TSNAXIP1: variants seen among roughly 807,000 people sequenced by gnomAD.
The protein encoded by TSNAXIP1 is translin-associated factor X-interacting protein 1.
In TSNAXIP1, 89 loss-of-function variants were observed where a neutral mutation model predicts 84.8. The ratio of observed to expected loss-of-function variants is 1.05; its 90% CI spans 0.88 to 1.25. The LOEUF is 1.25. Among genes scored for constraint, TSNAXIP1 ranks in the 50% most tolerant of loss-of-function variants. The probability of loss-of-function intolerance (pLI) is 0.00; values close to 1 mark genes in which losing one functional copy is unlikely to be tolerated. For synonymous variants in TSNAXIP1, 347 were observed against 335.2 expected, an observed-to-expected ratio of 1.04 and a Z score of -0.39; for missense variants, 874 against 887.6, an observed-to-expected ratio of 0.98 and a Z score of 0.20.
chr16:67,818,988 C>G (rs2056816956), intron 2 of TSNAXIP1, among the ~76,000 whole-genome samples: 5 of 151,858 alleles, frequency 3.3e-5, no homozygotes. Context: ...CAGGCGTGAG[C>G]TGGGCGCGAT....
At chr16:67,815,346 C>CT (rs112133830) in intron 2 of TSNAXIP1, among the ~76,000 whole-genome samples, 1,848 of 140,888 alleles carry the variant, frequency 0.013, 50 homozygotes, top group African/African-American at 0.044. Context: ...AGAATGCCAT[C>CT]TTTTTTTTTG....
chr16:67,817,263 CCA>C (rs1250531982), intron 2 of TSNAXIP1, among the ~76,000 whole-genome samples: 1 of 151,644 alleles, frequency 6.6e-6, no homozygotes. Flanking sequence ...CATTCTCCTG[CCA>C]CAGTCTCCTG....
At position 67,821,241 on chromosome 16, in the gene TSNAXIP1, GA is replaced by G; in HGVS notation, c.387+19del. 2.6e-6 allele frequency: 2 copies of G among 781,606 alleles called. No homozygotes were observed. The highest frequency in any genetic ancestry group is 4.1e-6 in the Non-Finnish European group (2 of 490,100). The allele number at this position is 781,606 out of a possible 1,614,324, so 48.4% of individuals were successfully genotyped here. A position where few individuals can be genotyped will look rare whatever the true frequency, so the allele number is the denominator to read the frequency against. On this transcript the variant is annotated intron_variant, in intron 4 of 15. Transcript: ENST00000561639. ...AAGGCTGCAGGTCAGAGCCACAGAAGAAACTTGGGGAGGGCGGGGGAAGGGT... is the reference window on the plus strand; with the variant it reads ...AAGGCTGCAGGTCAGAGCCACAGAAGAACTTGGGGAGGGCGGGGGAAGGGT...
Position 67,826,570 on chromosome 16 carries a change from C to T in TSNAXIP1, c.1401+8C>T. The T allele has an allele frequency of 6.2e-7, 1 of 1,614,148 alleles. No homozygotes were observed. ...CGTCTTGCTGAGGAGCAGGTCAGAT[C>T]TCACCAGCCACTCTGGCCCAGCATG... is the stretch of plus-strand genomic sequence containing the variant. On this transcript the variant is annotated splice_region_variant and intron_variant, in intron 11 of 15. Transcript: ENST00000561639.
chr16:67,817,046 A>G (rs2056622982), intron 2 of TSNAXIP1, among the ~76,000 whole-genome samples: 1 of 150,164 alleles, frequency 6.7e-6, no homozygotes, highest in Admixed American at 6.6e-5. Flanking sequence ...GCTCACTGCA[A>G]CCTCCACCTC....
At position 67,825,653 on chromosome 16, in the gene TSNAXIP1, C is replaced by A; in HGVS notation, c.815-14C>A. 6.2e-7 allele frequency: 1 copy of A among 1,602,864 alleles called. No homozygotes were observed. Among genetic ancestry groups the A allele is most frequent in the Non-Finnish European group, 8.5e-7 (1 of 1,172,744 alleles). On this transcript the variant is annotated splice_polypyrimidine_tract_variant and intron_variant, in intron 7 of 15. Transcript: ENST00000561639. ...CCACGGTGACACGGGCTGGTGGGCC[C>A]CTTCCCCTGGCAGGCATCTGGGGGG...
Position 67,819,972 on chromosome 16 carries a change from C to T in TSNAXIP1, c.148-867C>T, listed in dbSNP as rs151116880. 9.9e-3 allele frequency among the ~76,000 whole-genome samples: 1,508 copies of T among 152,154 alleles called. 14 individuals carry two copies. Among genetic ancestry groups the T allele is most frequent in the Non-Finnish European group, 0.014 (983 of 67,996 alleles). On this transcript the variant is annotated intron_variant, in intron 2 of 15. Coordinates refer to ENST00000561639, the MANE Select transcript of TSNAXIP1 (RefSeq NM_001288990.3). ...TAGCTGGGACTACAGGTGTCCGACA[C>T]CACGCCCGGCTAATTTTTTGTATTT...
chr16:67,825,111 T>A (rs1437940187), intron 6 of TSNAXIP1, 26 bp from the exon 7 acceptor site: 2 of 1,611,260 alleles, frequency 1.2e-6, no homozygotes, highest in Admixed American at 3.3e-5. Flanking sequence ...GGGCAGCCCC[T>A]GACCACACAG....
In TSNAXIP1 at chr16:67,826,022, C is replaced by A. The variant is rs774347899; in HGVS notation, c.1090C>A (p.Leu364Met). 4 of 1,614,024 alleles carry A rather than the reference C, an allele frequency of 2.5e-6. No individual in the cohort carries two copies. Among genetic ancestry groups the A allele is most frequent in the Non-Finnish European group, 3.4e-6 (4 of 1,180,036 alleles). Residue 364 changes from leucine (L) to methionine (M), a missense_variant, in exon 9 of 16, where the codon CTG becomes ATG. Coordinates refer to ENST00000561639, the MANE Select transcript of TSNAXIP1 (RefSeq NM_001288990.3). ...GGAACGGGACCAATTCTTCTCTGAGCTGCAGGAGATCCAGCGCACTTCCAC... is the reference window on the plus strand; with the variant it reads ...GGAACGGGACCAATTCTTCTCTGAGATGCAGGAGATCCAGCGCACTTCCAC... Reference protein sequence around the residue: ...LKERDQFFSELQEIQRTSTPR... With the variant: ...LKERDQFFSEMQEIQRTSTPR...
chr16:67,820,908 CA>C lies in TSNAXIP1; in HGVS notation c.221del (p.Asn74IlefsTer13). On this transcript the variant is annotated frameshift_variant, in exon 3 of 16. Transcript: ENST00000561639. LOFTEE classifies it high-confidence loss of function. ...PTYTSGQTILQNRKPCSDDYR... is the reference protein window; with the variant it reads ...PTYTSGQTILXNRKPCSDDYR... ...ATACACCAGTGGCCAGACCATTTTGCAAAATCGAAAACCCTGTTCAGATGAC... is the reference window on the plus strand; with the variant it reads ...ATACACCAGTGGCCAGACCATTTTGCAAATCGAAAACCCTGTTCAGATGAC... The C allele has an allele frequency of 6.2e-7, 1 of 1,604,628 alleles. No homozygotes were observed.
At position 67,825,798 on chromosome 16, in the gene TSNAXIP1, G is replaced by A. The variant is rs202129606; in HGVS notation, c.946G>A (p.Glu316Lys). The change falls in exon 8 of 16, where the codon GAA becomes AAA. Residue 316 changes from glutamate (E) to lysine (K), a missense_variant. By Grantham distance (56) the Glu-to-Lys change is moderately conservative (BLOSUM62 1). Transcript: ENST00000561639. ...AGATGTGGTCCCCAGGAGGGACTTT[G>A]AAATGCAGGAGAAGACCAACAAGGA... ...FGDVVPRRDF[E>K]MQEKTNKDLQ... The A allele has an allele frequency of 5.7e-5, 92 of 1,614,176 alleles. No individual in the cohort carries two copies. The Middle Eastern group carries it at 2.0e-3, about 35-fold the overall frequency.
chr16:67,812,036 G>A (rs2056131194), intron 1 of TSNAXIP1, among the ~76,000 whole-genome samples: 1 of 152,172 alleles, frequency 6.6e-6, no homozygotes, highest in African/African-American at 2.4e-5. Flanking sequence ...CTTCCCTGGA[G>A]TTTGGGTAGT....
Position 67,823,756 on chromosome 16 carries a change from G to A in TSNAXIP1, c.481+37G>A, listed in dbSNP as rs766199272. On this transcript the variant is annotated intron_variant, in intron 5 of 15. Transcript: ENST00000561639. The stretch of plus-strand genomic sequence containing the variant: ...CCTCCTGCCAGGCGTAGTGGCTCAC[G>A]CCTGTAATCCCAGCACTTTAGGAGG... 50 of 1,571,238 alleles carry A rather than the reference G, an allele frequency of 3.2e-5. No homozygotes were observed. The East Asian group carries it at 6.8e-4, about 21-fold the overall frequency.
intron 1 of TSNAXIP1, among the ~76,000 whole-genome samples, chr16:67,812,623 G>T (rs1797856387): frequency 6.7e-6 from 1 of 149,778 alleles, no homozygotes; most frequent in East Asian, 2.0e-4. Context: ...CCGAGATCAT[G>T]CCATTGCACT....
chr16:67,807,504 G>T (rs1052401625), intron 1 of TSNAXIP1: 18 of 966,422 alleles, frequency 1.9e-5, no homozygotes, highest in Middle Eastern at 4.2e-4. Flanking sequence ...TCGTTCTGTC[G>T]CCCAGGCTGG....
In TSNAXIP1 at chr16:67,819,283, C is replaced by G. The variant is rs528000023; in HGVS notation, c.148-1556C>G. 2.7e-5 allele frequency among the ~76,000 whole-genome samples: 4 copies of G among 149,730 alleles called. No homozygotes were observed. In the South Asian group the frequency reaches 6.3e-4, roughly 24 times the overall value. On this transcript the variant is annotated intron_variant, in intron 2 of 15. Transcript: ENST00000561639. ...TTTGAGATGGAGTTTCACTCTTGTC[C>G]CCGTGGCTGGAGTGCAAGGGGTCGA...
At position 67,814,283 on chromosome 16, in the gene TSNAXIP1, C is replaced by T; in HGVS notation, c.48-19C>T. 1 of 1,525,700 alleles carries T rather than the reference C, an allele frequency of 6.6e-7. No homozygotes were observed. The highest frequency in any genetic ancestry group is 8.8e-7 in the Non-Finnish European group (1 of 1,137,442). The allele number at this position is 1,525,700 out of a possible 1,614,324, so 94.5% of individuals were successfully genotyped here. Reference sequence around the variant, plus strand: ...TCTGGACTCTGTCACCCACCATCAGCTTTCCCTTCTCTGTGCAGATTACAG... The same window carrying T: ...TCTGGACTCTGTCACCCACCATCAGTTTTCCCTTCTCTGTGCAGATTACAG... On this transcript the variant is annotated intron_variant, in intron 1 of 15. Transcript: ENST00000561639.
intron 2 of TSNAXIP1, among the ~76,000 whole-genome samples, chr16:67,816,209 C>T (rs559140277): frequency 6.3e-4 from 96 of 151,978 alleles, no homozygotes; most frequent in African/African-American, 1.9e-3. Context: ...CCTCGTGATC[C>T]GCCCGCCTCG....
Position 67,823,735 on chromosome 16 carries a change from C to T in TSNAXIP1, c.481+16C>T, listed in dbSNP as rs1226055823. On this transcript the variant is annotated intron_variant, in intron 5 of 15. Transcript: ENST00000561639. ...GGGATGCTGGGTAAGAATGCACCTCCTGCCAGGCGTAGTGGCTCACGCCTG... is the reference window on the plus strand; with the variant it reads ...GGGATGCTGGGTAAGAATGCACCTCTTGCCAGGCGTAGTGGCTCACGCCTG... The T allele has an allele frequency of 1.2e-6, 2 of 1,604,758 alleles. No homozygotes were observed. The highest frequency in any genetic ancestry group is 2.2e-5 in the East Asian group (1 of 44,468).
Sources: allele counts gnomAD v4.1 joint callset (sites outside exome capture counted in the v4.1 genomes callset), GRCh38; gene constraint gnomAD v4.1.1; transcripts MANE v1.5; gene names NCBI Gene and HGNC (gene_info 2026-07-23, HGNC 2026-07-21).